NCAM1: variants seen among roughly 807,000 people sequenced by gnomAD.
The protein encoded by NCAM1 is antigen recognized by monoclonal antibody 5.1H11.
In NCAM1, 14 loss-of-function variants were observed where a neutral mutation model predicts 109.8. The observed-to-expected ratio is 0.13, with a 90% CI of 0.08 to 0.20. NCAM1 has a LOEUF of 0.20. NCAM1 is among the 10% of genes least tolerant of loss of function. The pLI is 1.00. For missense variants in NCAM1, 774 were observed against 1,109.9 expected (o/e 0.70, Z 4.30); for synonymous variants, 418 against 442.9 (o/e 0.94, Z 0.70).
intron 1 of NCAM1, among the ~76,000 whole-genome samples, chr11:113,105,907 C>G (rs1209020464): frequency 6.6e-6 from 1 of 152,080 alleles, no homozygotes; most frequent in African/African-American, 2.4e-5. Context: ...GATGTGTATT[C>G]TATTTCAGTA....
chr11:113,058,474 T>C (rs563709312), intron 1 of NCAM1, among the ~76,000 whole-genome samples: 1 of 152,318 alleles, frequency 6.6e-6, no homozygotes, highest in African/African-American at 2.4e-5. Flanking sequence ...TTGAGATGAA[T>C]GTTCTTCCTT....
intron 14 of NCAM1, chr11:113,240,840 A>G (rs1945301449): frequency 6.2e-7 from 1 of 1,612,352 alleles, no homozygotes; most frequent in Non-Finnish European, 8.5e-7. Flanking sequence ...GATAGTGAGT[A>G]TCATTTTCTT....
At chr11:113,079,756 C>T (rs933964325) in intron 1 of NCAM1, among the ~76,000 whole-genome samples, 1 of 152,188 alleles carries the variant, frequency 6.6e-6, no homozygotes, top group Non-Finnish European at 1.5e-5. Context: ...CCAGTCTAGT[C>T]GGTCTGTTTC....
intron 8 of NCAM1, among the ~76,000 whole-genome samples, chr11:113,216,741 G>A (rs1555114449): frequency 6.6e-6 from 1 of 152,124 alleles, no homozygotes; most frequent in Non-Finnish European, 1.5e-5. Context: ...TGTGACACCA[G>A]ACTGACATAT....
chr11:113,180,700 G>A (rs1464212083), intron 1 of NCAM1, among the ~76,000 whole-genome samples: 2 of 152,234 alleles, frequency 1.3e-5, no homozygotes, highest in Admixed American at 6.5e-5. Context: ...CTCCTCTGAG[G>A]CCTCACTGCG....
chr11:113,186,796 G>T (rs1481262329), intron 1 of NCAM1, among the ~76,000 whole-genome samples: 1 of 152,224 alleles, frequency 6.6e-6, no homozygotes, highest in African/African-American at 2.4e-5. Flanking sequence ...AATAGCCTCT[G>T]AGTTCAGAGC....
At chr11:113,169,892 G>A (rs1384553138) in intron 1 of NCAM1, among the ~76,000 whole-genome samples, 17 of 152,028 alleles carry the variant, frequency 1.1e-4, no homozygotes, top group African/African-American at 4.1e-4. Flanking sequence ...CTCCCAAAGT[G>A]GAGAGATATT....
At chr11:113,017,731 G>T (rs1171847508) in intron 1 of NCAM1, among the ~76,000 whole-genome samples, 2 of 150,718 alleles carry the variant, frequency 1.3e-5, no homozygotes, top group African/African-American at 4.9e-5. Flanking sequence ...TGGATTTAAA[G>T]GAAGGAATAC....
intron 1 of NCAM1, among the ~76,000 whole-genome samples, chr11:113,150,963 T>A (rs1010647721): frequency 6.6e-5 from 10 of 152,172 alleles, no homozygotes; most frequent in Admixed American, 4.6e-4. Context: ...TCAGTTAAAG[T>A]GTGAAGACCT....
At chr11:113,053,153 C>T (rs559499175) in intron 1 of NCAM1, among the ~76,000 whole-genome samples, 7 of 152,266 alleles carry the variant, frequency 4.6e-5, no homozygotes, top group East Asian at 1.9e-4. Flanking sequence ...TGAGAACATG[C>T]GGTGTTTGGT....
chr11:112,995,050 G>T (rs1356265360), intron 1 of NCAM1, among the ~76,000 whole-genome samples: 2 of 152,118 alleles, frequency 1.3e-5, no homozygotes, highest in South Asian at 2.1e-4. Flanking sequence ...TAGGGACCTT[G>T]TCTTACTTAT....
rs186663188 is a variant in NCAM1 at position 112,966,900 on chromosome 11, G to A, written c.52+5236G>A. ...CCTGCAGTATTAATTTAGCTTCTAA[G>A]CAATTGGAGACTCCAAGAGGACTGC... On this transcript the variant is annotated intron_variant, in intron 1 of 19. Transcript: ENST00000316851. Among the ~76,000 whole-genome samples, 6 of 152,328 alleles carry A rather than the reference G, an allele frequency of 3.9e-5. No individual in the cohort carries two copies. In the East Asian group the frequency reaches 1.2e-3, roughly 29 times the overall value.
intron 1 of NCAM1, among the ~76,000 whole-genome samples, chr11:113,066,047 G>T (rs944126940): frequency 2.0e-5 from 3 of 152,180 alleles, no homozygotes; most frequent in Non-Finnish European, 2.9e-5. Context: ...TCACTGGCTT[G>T]GTTCTTGCCC....
At chr11:113,221,197 G>A in intron 8 of NCAM1, 99 bp from the exon 9 acceptor site, 10 of 1,199,456 alleles carry the variant, frequency 8.3e-6, no homozygotes, top group Non-Finnish European at 1.1e-5. Flanking sequence ...TTAAAGAAAA[G>A]CTGCATGTGC....
intron 17 of NCAM1, chr11:113,262,968 C>T: frequency 1.3e-6 from 2 of 1,594,824 alleles, no homozygotes; most frequent in South Asian, 1.1e-5. Context: ...AGCCCAGTTC[C>T]TATGAAAAAG....
At chr11:113,122,573 C>T (rs1215673177) in intron 1 of NCAM1, among the ~76,000 whole-genome samples, 3 of 152,258 alleles carry the variant, frequency 2.0e-5, no homozygotes, top group East Asian at 1.9e-4. Flanking sequence ...CACCTGAGGT[C>T]GGGAGTTTGA....
At chr11:113,085,496 C>A (rs970894747) in intron 1 of NCAM1, among the ~76,000 whole-genome samples, 1 of 152,306 alleles carries the variant, frequency 6.6e-6, no homozygotes, top group East Asian at 1.9e-4. Context: ...CACACTTATT[C>A]TCAAACTTTT....
intron 1 of NCAM1, among the ~76,000 whole-genome samples, chr11:113,155,505 T>G (rs1250843917): frequency 2.7e-5 from 4 of 150,294 alleles, no homozygotes; most frequent in Non-Finnish European, 5.9e-5. Context: ...TGAGGCTCCA[T>G]CTTAAAAAAA....
chr11:113,007,545 A>G (rs964856726), intron 1 of NCAM1, among the ~76,000 whole-genome samples: 3 of 152,188 alleles, frequency 2.0e-5, no homozygotes, highest in African/African-American at 7.2e-5. Flanking sequence ...AAACTGCCAT[A>G]TTTTACTGAT....
Sources: allele counts gnomAD v4.1 joint callset (sites outside exome capture counted in the v4.1 genomes callset), GRCh38; gene constraint gnomAD v4.1.1; transcripts MANE v1.5; gene names NCBI Gene and HGNC (gene_info 2026-07-23, HGNC 2026-07-21).